Variants in CLYBL observed in about 807,000 individuals in gnomAD.
The protein encoded by CLYBL is citramalyl-CoA lyase.
In CLYBL, 31 loss-of-function variants were observed where a neutral mutation model predicts 38.9. That is an observed-to-expected ratio of 0.80 (90% CI 0.60 to 1.08). The LOEUF is 1.08. Among genes scored for constraint, CLYBL ranks in the 50% least tolerant of loss-of-function variants. The pLI is 0.00. For missense variants in CLYBL, 434 were observed against 411.6 expected (o/e 1.05, Z -0.47); for synonymous variants, 171 against 158.6 (o/e 1.08, Z -0.59).
intron 1 of CLYBL, among the ~76,000 whole-genome samples, chr13:99,662,243 T>G (rs1382711774): frequency 6.6e-6 from 1 of 152,256 alleles, no homozygotes; most frequent in African/African-American, 2.4e-5. Flanking sequence ...CAGATTTAAT[T>G]GTGCCGTGTG....
intron 6 of CLYBL, among the ~76,000 whole-genome samples, chr13:99,868,404 A>G (rs2139240240): frequency 6.6e-6 from 1 of 152,228 alleles, no homozygotes; most frequent in South Asian, 2.1e-4. Context: ...GAAGAAAAAG[A>G]AGGAAAGAAA....
intron 1 of CLYBL, among the ~76,000 whole-genome samples, chr13:99,750,231 C>G (rs557472505): frequency 6.6e-6 from 1 of 152,326 alleles, no homozygotes; most frequent in East Asian, 1.9e-4. Context: ...AGATACAGCG[C>G]TAAGTAGAGG....
At chr13:99,856,263 C>T (rs1022243627) in intron 2 of CLYBL, among the ~76,000 whole-genome samples, 1 of 152,176 alleles carries the variant, frequency 6.6e-6, no homozygotes. Flanking sequence ...GCTTCAAGAT[C>T]AGATTTTGTT....
intron 2 of CLYBL, among the ~76,000 whole-genome samples, chr13:99,846,634 G>A (rs569846452): frequency 1.2e-4 from 19 of 152,338 alleles, no homozygotes; most frequent in South Asian, 1.0e-3. Context: ...GCTTCCTCCA[G>A]AAGACAAGAA....
In CLYBL at chr13:99,858,923, A is replaced by T. The variant is rs529342690; in HGVS notation, c.312A>T (p.Lys104Asn). 1 of 1,614,024 alleles carries T rather than the reference A, an allele frequency of 6.2e-7. No individual in the cohort carries two copies. Among genetic ancestry groups the T allele is most frequent in the Admixed American group, 1.7e-5 (1 of 60,012 alleles). Reference protein sequence around the residue: ...LEDIDLGPTEKCVRVNSVSSG... With the variant: ...LEDIDLGPTENCVRVNSVSSG... ...ACATTGATCTGGGCCCTACTGAAAA[A>T]TGTGTGAGAGTCAACTCAGTTTCCA... The change falls in exon 3 of 9, where the codon AAA (lysine) becomes AAT (asparagine). Residue 104 changes from lysine (K) to asparagine (N), a missense_variant. Transcript: ENST00000339105.
chr13:99,793,316 C>G (rs1594186655), intron 2 of CLYBL, among the ~76,000 whole-genome samples: 1 of 152,166 alleles, frequency 6.6e-6, no homozygotes, highest in East Asian at 1.9e-4. Flanking sequence ...TGGGAAGGCT[C>G]CTCTCCCAGG....
Position 99,772,105 on chromosome 13 carries a change from G to GT in CLYBL, c.63-709dup, listed in dbSNP as rs1019739733. Among the ~76,000 whole-genome samples the GT allele has an allele frequency of 4.3e-3, 638 of 149,378 alleles. 6 individuals are homozygous for GT. Among genetic ancestry groups the GT allele is most frequent in the Non-Finnish European group, 6.7e-3 (451 of 67,110 alleles). ...AGGGCAAGGGCCATAGACTTCGTTA[G>GT]TTTTTTTTTTCTACTTTTTTACTTT... is the stretch of plus-strand genomic sequence containing the variant. On this transcript the variant is annotated intron_variant, in intron 1 of 8. Transcript: ENST00000339105.
intron 2 of CLYBL, among the ~76,000 whole-genome samples, chr13:99,857,570 A>G (rs2139192711): frequency 6.6e-6 from 1 of 152,276 alleles, no homozygotes; most frequent in East Asian, 1.9e-4. Flanking sequence ...TACTCTTCCC[A>G]TCTGACCCGA....
At chr13:99,755,875 C>T (rs549331389) in intron 1 of CLYBL, among the ~76,000 whole-genome samples, 5 of 152,300 alleles carry the variant, frequency 3.3e-5, no homozygotes, top group African/African-American at 9.6e-5. Context: ...CTCTCCCCAC[C>T]GAACCGCTGT....
intron 1 of CLYBL, among the ~76,000 whole-genome samples, chr13:99,769,027 A>G (rs2049329184): frequency 6.6e-6 from 1 of 152,186 alleles, no homozygotes; most frequent in Admixed American, 6.5e-5. Flanking sequence ...AGGGACATAC[A>G]ATAACAGTGG....
rs543572600 is a variant in CLYBL at position 99,772,358 on chromosome 13, T to C, written c.63-466T>C. Among the ~76,000 whole-genome samples, 11 of 152,334 alleles carry C rather than the reference T, an allele frequency of 7.2e-5. No homozygotes were observed. The East Asian group carries it at 1.3e-3, about 19-fold the overall frequency. On this transcript the variant is annotated intron_variant, in intron 1 of 8. Transcript: ENST00000339105. ...AGTTCATTGATTATCTCTGCTATTA[T>C]TGTTTTCTTAGTTTTTATGTGTGAT... is the stretch of plus-strand genomic sequence containing the variant.
intron 2 of CLYBL, among the ~76,000 whole-genome samples, chr13:99,837,847 T>G (rs1460457198): frequency 6.6e-6 from 1 of 152,196 alleles, no homozygotes; most frequent in African/African-American, 2.4e-5. Flanking sequence ...CCAAATAAAG[T>G]GGATATCCCC....
chr13:99,822,745 G>T (rs1303421407), intron 2 of CLYBL, among the ~76,000 whole-genome samples: 1 of 152,144 alleles, frequency 6.6e-6, no homozygotes, highest in African/African-American at 2.4e-5. Context: ...CTGAGTTAGT[G>T]GTCTCTTTTC....
intron 5 of CLYBL, 100 bp from the exon 6 acceptor site, chr13:99,866,140 G>T: frequency 8.6e-7 from 1 of 1,161,532 alleles, no homozygotes; most frequent in Non-Finnish European, 1.2e-6. Flanking sequence ...CAATTTCCAG[G>T]GAGGTTTAGA....
chr13:99,675,985 C>T (rs947626625), intron 1 of CLYBL, among the ~76,000 whole-genome samples: 8 of 152,226 alleles, frequency 5.3e-5, no homozygotes, highest in Non-Finnish European at 7.3e-5. Flanking sequence ...CCCCAAGTAG[C>T]TGGGATCACA....
intron 1 of CLYBL, among the ~76,000 whole-genome samples, chr13:99,716,787 C>CCTTTTT (rs1555293296): frequency 2.0e-5 from 2 of 100,918 alleles, no homozygotes; most frequent in African/African-American, 7.6e-5. Context: ...CTTTTCTTTT[C>CCTTTTT]TTTTTTTTTT....
At chr13:99,827,872 G>A (rs1289924510) in intron 2 of CLYBL, among the ~76,000 whole-genome samples, 2 of 152,250 alleles carry the variant, frequency 1.3e-5, no homozygotes, top group African/African-American at 4.8e-5. Flanking sequence ...CGCAGAGGAG[G>A]AGGGATCTCA....
At chr13:99,845,607 T>C (rs1369225466) in intron 2 of CLYBL, among the ~76,000 whole-genome samples, 2 of 152,212 alleles carry the variant, frequency 1.3e-5, no homozygotes, top group African/African-American at 4.8e-5. Context: ...CATTTAATTA[T>C]AGAAGATCGG....
At chr13:99,698,611 C>T (rs560571298) in intron 1 of CLYBL, among the ~76,000 whole-genome samples, 4 of 152,144 alleles carry the variant, frequency 2.6e-5, no homozygotes, top group South Asian at 2.1e-4. Context: ...GAGGGGCATG[C>T]GGTGACAAGG....
Sources: allele counts gnomAD v4.1 joint callset (sites outside exome capture counted in the v4.1 genomes callset), GRCh38; gene constraint gnomAD v4.1.1; transcripts MANE v1.5; gene names NCBI Gene and HGNC (gene_info 2026-07-23, HGNC 2026-07-21).